The following GAB3 variants were observed in gnomAD, a reference collection of about 807,000 sequenced individuals.
The protein encoded by GAB3 is GRB2 associated binding protein 3.
GAB3 carries 12 observed loss-of-function variants against 40.4 expected under a neutral mutation model. That is an observed-to-expected ratio of 0.30 (90% CI 0.19 to 0.48). The LOEUF is 0.48. GAB3 is among the 20% of genes least tolerant of loss of function. The pLI, the probability that GAB3 is intolerant of heterozygous loss-of-function variation, is 0.99. For missense variants in GAB3, 381 were observed against 461.9 expected (o/e 0.82, Z 1.61); for synonymous variants, 154 against 176.7 (o/e 0.87, Z 1.02).
At chrX:154,721,855 G>T (rs782806074) in intron 1 of GAB3, among the ~76,000 whole-genome samples, 6 of 111,672 alleles carry the variant, frequency 5.4e-5, no homozygotes, top group Non-Finnish European at 1.1e-4. Context: ...CACTATGGAG[G>T]TTCCTAAGGA....
intron 4 of GAB3, among the ~76,000 whole-genome samples, chrX:154,709,844 A>C (rs2070896740): frequency 8.9e-6 from 1 of 112,018 alleles, no homozygotes; most frequent in East Asian, 2.8e-4. Context: ...AGCTGGGCAC[A>C]GAAAAAAAAA....
rs1557245631 is a variant in GAB3, at chrX:154,676,591, T to G, written c.*1587A>C. The G allele has an allele frequency of 8.9e-6, 1 of 112,234 alleles. No homozygotes were observed. Among genetic ancestry groups the G allele is most frequent in the Non-Finnish European group, 1.9e-5 (1 of 53,243 alleles). The allele number at this position is 112,234 out of a possible 1,213,427, so 9.2% of individuals were successfully genotyped here. ...AATAATGTCACCAGAACCTGCTTCT[T>G]TGAAAATCAAAACGGCTTCTTTGAA... On this transcript the variant is annotated 3_prime_UTR_variant, in exon 10 of 10. Coordinates refer to ENST00000424127, the MANE Select transcript of GAB3 (RefSeq NM_001081573.3).
At chrX:154,746,071 A>C (rs1273602937) in intron 1 of GAB3, among the ~76,000 whole-genome samples, 1 of 106,595 alleles carries the variant, frequency 9.4e-6, no homozygotes, top group African/African-American at 3.7e-5. Context: ...AAAAAAAAAA[A>C]AGAAAGAAAG....
intron 8 of GAB3, among the ~76,000 whole-genome samples, chrX:154,682,288 TATC>T (rs1205700374): frequency 1.8e-5 from 2 of 112,303 alleles, no homozygotes; most frequent in East Asian, 2.8e-4. Flanking sequence ...TATTTCGAGT[TATC>T]ATTCATATAA....
intron 1 of GAB3, among the ~76,000 whole-genome samples, chrX:154,743,243 T>C (rs1216484163): frequency 2.7e-5 from 3 of 110,454 alleles, no homozygotes; most frequent in Admixed American, 9.7e-5. Context: ...TGTCAACCCA[T>C]AATTCTATGC....
At chrX:154,731,026 G>A (rs1158472281) in intron 1 of GAB3, among the ~76,000 whole-genome samples, 1 of 112,153 alleles carries the variant, frequency 8.9e-6, no homozygotes, top group Non-Finnish European at 1.9e-5. Context: ...TACACCAAGA[G>A]GTCTGTGTTC....
At chrX:154,743,662 G>A (rs1470486664) in intron 1 of GAB3, among the ~76,000 whole-genome samples, 6 of 110,517 alleles carry the variant, frequency 5.4e-5, no homozygotes, top group African/African-American at 1.7e-4. Flanking sequence ...TTATTTAAAG[G>A]AAGTCTGCAA....
chrX:154,751,013 C>T lies in GAB3; in HGVS notation c.13G>A (p.Asp5Asn). MSAG[D>N]AVCTGWLVKS... Reference sequence around the variant, plus strand: ...ACGAGCCAGCCGGTGCACACTGCGTCGCCCGCACTCATCGTGGCCGCCGCC... The same window carrying T: ...ACGAGCCAGCCGGTGCACACTGCGTTGCCCGCACTCATCGTGGCCGCCGCC... The change falls in exon 1 of 10, where the codon GAC becomes AAC. Residue 5 changes from aspartate (D) to asparagine (N), a missense_variant. Coordinates refer to ENST00000424127, the MANE Select transcript of GAB3 (RefSeq NM_001081573.3). The T allele has an allele frequency of 1.2e-6, 1 of 818,846 alleles. No individual in the cohort carries two copies. Among genetic ancestry groups the T allele is most frequent in the African/African-American group, 2.2e-5 (1 of 44,695 alleles). 67.5% of individuals were successfully genotyped at this position (818,846 alleles called of 1,213,427 possible). A position where few individuals can be genotyped will look rare whatever the true frequency, so the allele number is the denominator to read the frequency against.
intron 1 of GAB3, among the ~76,000 whole-genome samples, chrX:154,717,776 T>TA (rs2071068499): frequency 8.9e-6 from 1 of 111,938 alleles, no homozygotes; most frequent in Non-Finnish European, 1.9e-5. Flanking sequence ...CCTGGATCTG[T>TA]AAACCTCCCT....
At chrX:154,699,235 T>C in intron 6 of GAB3, 59 bp downstream of exon 6, 1 of 986,280 alleles carries the variant, frequency 1.0e-6, no homozygotes, top group Non-Finnish European at 1.4e-6. Context: ...ACCTTTTCTA[T>C]GCAACCACCG....
At chrX:154,689,445 C>G (rs1359215008) in intron 8 of GAB3, among the ~76,000 whole-genome samples, 7 of 111,252 alleles carry the variant, frequency 6.3e-5, no homozygotes, top group African/African-American at 1.6e-4. Flanking sequence ...GAAATAAAGG[C>G]TATTCAATTA....
chrX:154,710,793 T>C (rs1465382769), intron 4 of GAB3, among the ~76,000 whole-genome samples: 1 of 112,772 alleles, frequency 8.9e-6, no homozygotes, highest in Non-Finnish European at 1.9e-5. Context: ...TGCCTTCATG[T>C]AAAAGAACAC....
chrX:154,738,719 C>T (rs1557260835), intron 1 of GAB3, among the ~76,000 whole-genome samples: 1 of 112,074 alleles, frequency 8.9e-6, no homozygotes, highest in African/African-American at 3.2e-5. Context: ...AAAATATTCT[C>T]ATATTTTCCC....
intron 1 of GAB3, among the ~76,000 whole-genome samples, chrX:154,721,811 T>A (rs1279826875): frequency 8.9e-6 from 1 of 111,868 alleles, no homozygotes; most frequent in Admixed American, 9.4e-5. Context: ...ATACTGTTGG[T>A]GGGAATGTAG....
intron 1 of GAB3, among the ~76,000 whole-genome samples, chrX:154,748,281 A>T (rs1271780650): frequency 1.8e-5 from 2 of 111,761 alleles, no homozygotes; most frequent in Non-Finnish European, 3.8e-5. Context: ...GTAGAATATG[A>T]TCCCAGTTGT....
rs1202984761 is a variant in GAB3, at chrX:154,750,934, G to A, written c.72+20C>T. On this transcript the variant is annotated intron_variant, in intron 1 of 9. Transcript: ENST00000424127. ...GCCCCGGGACGCGAAGGCCGGGCGG[G>A]TGGCGGCGCCCCTACTCACGTAGCG... 1.3e-6 allele frequency: 1 copy of A among 778,648 alleles called. No individual in the cohort carries two copies. 64.2% of individuals were successfully genotyped at this position (778,648 alleles called of 1,213,427 possible).
chrX:154,741,111 C>T (rs1164385662), intron 1 of GAB3, among the ~76,000 whole-genome samples: 1 of 111,920 alleles, frequency 8.9e-6, no homozygotes, highest in African/African-American at 3.3e-5. Context: ...AAATAAGTCT[C>T]ACAAGATCTG....
At chrX:154,731,644 C>T (rs1464488659) in intron 1 of GAB3, among the ~76,000 whole-genome samples, 3 of 111,002 alleles carry the variant, frequency 2.7e-5, no homozygotes, top group Non-Finnish European at 5.7e-5. Context: ...CATGGGTGTC[C>T]GCTAGGGACA....
chrX:154,729,766 G>A (rs1603427331), intron 1 of GAB3, among the ~76,000 whole-genome samples: 1 of 111,658 alleles, frequency 9.0e-6, no homozygotes, highest in East Asian at 2.8e-4. Flanking sequence ...CAGTGGTCAG[G>A]GCAGCTACTA....
Sources: allele counts gnomAD v4.1 joint callset (sites outside exome capture counted in the v4.1 genomes callset), GRCh38; gene constraint gnomAD v4.1.1; transcripts MANE v1.5; gene names NCBI Gene and HGNC (gene_info 2026-07-23, HGNC 2026-07-21).